The following GSR variants were observed in gnomAD, a reference collection of about 807,000 sequenced individuals.
GSR encodes glutathione reductase, mitochondrial.
In GSR, 48 loss-of-function variants were observed where a neutral mutation model predicts 56.5. The observed-to-expected ratio is 0.85, with a 90% CI of 0.67 to 1.08. The LOEUF (loss-of-function observed/expected upper bound fraction) is 1.08. Ranked by LOEUF, GSR falls within the 50% of genes least tolerant of loss-of-function variation. The pLI, the probability that GSR is intolerant of heterozygous loss-of-function variation, is 0.00. For synonymous variants in GSR, 264 were observed against 270.8 expected, an observed-to-expected ratio of 0.97 and a Z score of 0.25; for missense variants, 694 against 703.3, an observed-to-expected ratio of 0.99 and a Z score of 0.15.
chr8:30,724,580 A>C, intron 1 of GSR, among the ~76,000 whole-genome samples: 1 of 106,578 alleles, frequency 9.4e-6, no homozygotes, highest in Non-Finnish European at 1.7e-5. Context: ...ACAGAGTCTC[A>C]CTCTGTTGCC....
chr8:30,723,667 C>T (rs1006262333), intron 1 of GSR, among the ~76,000 whole-genome samples: 1 of 151,968 alleles, frequency 6.6e-6, no homozygotes, highest in Non-Finnish European at 1.5e-5. Context: ...TGGCCTGCGC[C>T]TGTAGTCCCA....
intron 1 of GSR, among the ~76,000 whole-genome samples, chr8:30,720,307 C>A (rs1336964396): frequency 6.6e-6 from 1 of 152,132 alleles, no homozygotes; most frequent in Admixed American, 6.6e-5. Flanking sequence ...TTCTTTGCTG[C>A]CTAAAATCTA....
chr8:30,711,056 G>T (rs1033223752), intron 2 of GSR, among the ~76,000 whole-genome samples: 14 of 152,200 alleles, frequency 9.2e-5, no homozygotes, highest in African/African-American at 3.4e-4. Flanking sequence ...ATAGTTGAGG[G>T]AAAATGTCCC....
At position 30,708,084 on chromosome 8, in the gene GSR, G is replaced by A; in HGVS notation, c.480C>T (p.Asn160=). The A allele has an allele frequency of 6.2e-7, 1 of 1,612,388 alleles. No individual in the cohort carries two copies. The highest frequency in any genetic ancestry group is 8.5e-7 in the Non-Finnish European group (1 of 1,178,376). Residue 160 remains asparagine (N), a synonymous_variant, in exon 4 of 13, where the codon AAC becomes AAT. Coordinates refer to ENST00000221130, the MANE Select transcript of GSR (RefSeq NM_000637.5). ...YVSRLNAIYQ[N]NLTKSHIEII... is the part of the protein sequence containing the mutation. ...CCAGCATACACACCTTGGTGAGATT[G>A]TTTTGATAGATGGCATTCAGGCGGC...
At chr8:30,717,232 T>C (rs2911673) in intron 1 of GSR, among the ~76,000 whole-genome samples, 106,030 of 148,494 alleles carry the variant, frequency 0.71, 38,941 homozygotes, top group East Asian at 0.83. Flanking sequence ...AGCGAAACTC[T>C]ATCTCAAAAG....
chr8:30,727,798 C>A lies in GSR; in HGVS notation c.38G>T (p.Gly13Val). The A allele has an allele frequency of 1.5e-6, 2 of 1,317,224 alleles. No individual in the cohort carries two copies. The highest frequency in any genetic ancestry group is 4.0e-5 in the South Asian group (2 of 49,652). 81.6% of individuals were successfully genotyped at this position (1,317,224 alleles called of 1,614,324 possible). The change falls in exon 1 of 13, where the codon GGA becomes GTA. Residue 13 changes from glycine to valine, a missense_variant. Gly to Val is a moderately radical substitution (Grantham distance 109). Coordinates refer to ENST00000221130, the MANE Select transcript of GSR (RefSeq NM_000637.5). The stretch of plus-strand genomic sequence containing the variant: ...GCGCGCCGCCCGCCGCCAGCTCGGT[C>A]CCGCGCCGGCGCTCAGGGCTCGGGG... ...LLPRALSAGA[G>V]PSWRRAARAF...
chr8:30,689,568 T>C (rs572817642), intron 8 of GSR, among the ~76,000 whole-genome samples: 1 of 152,024 alleles, frequency 6.6e-6, no homozygotes, highest in Admixed American at 6.6e-5. Flanking sequence ...CATGACACCA[T>C]TGTAATGCCT....
At chr8:30,701,947 C>A (rs1469554830) in intron 5 of GSR, among the ~76,000 whole-genome samples, 1 of 151,850 alleles carries the variant, frequency 6.6e-6, no homozygotes, top group African/African-American at 2.4e-5. Context: ...CTTGAGCCAT[C>A]TCCCATCTAA....
At chr8:30,683,754 CAA>C (rs10679532) in intron 10 of GSR, among the ~76,000 whole-genome samples, 1 of 141,960 alleles carries the variant, frequency 7.0e-6, no homozygotes, top group Non-Finnish European at 1.5e-5. Context: ...AGAGTGTCTC[CAA>C]AAAAAAAAAA....
At chr8:30,710,338 T>A (rs925635927) in intron 2 of GSR, among the ~76,000 whole-genome samples, 10 of 151,418 alleles carry the variant, frequency 6.6e-5, no homozygotes, top group African/African-American at 9.7e-5. Context: ...ATAATAATAA[T>A]AAATAAAATC....
intron 1 of GSR, among the ~76,000 whole-genome samples, chr8:30,714,702 T>C (rs1260505063): frequency 6.6e-6 from 1 of 151,512 alleles, no homozygotes; most frequent in South Asian, 2.1e-4. Flanking sequence ...AAATTAAAAA[T>C]ACTTTATAAA....
In GSR at chr8:30,703,532, A is replaced by G. The variant is rs141936640; in HGVS notation, c.493-292T>C. ...GAGGCAGAGGTGGGTGGATAGCTTG[A>G]GCTCAGGAGTTCGAGACCAGCCTGG... On this transcript the variant is annotated intron_variant, in intron 4 of 12. Transcript: ENST00000221130. Among the ~76,000 whole-genome samples, 112 of 152,178 alleles carry G rather than the reference A, an allele frequency of 7.4e-4. 2 individuals carry two copies. Among genetic ancestry groups the G allele is most frequent in the African/African-American group, 2.6e-3 (110 of 41,530 alleles).
chr8:30,700,745 A>AAAAAAAAAAAAAAAAAAAAAAAC (rs1803708803), intron 5 of GSR, among the ~76,000 whole-genome samples: 1 of 135,526 alleles, frequency 7.4e-6, no homozygotes, highest in African/African-American at 2.9e-5. Context: ...AAAAAAAAAA[A>AAAAAAAAAAAAAAAAAAAAAAAC]AAAAATCGAC....
At position 30,727,841 on chromosome 8, in the gene GSR, CG is replaced by C; in HGVS notation, c.-7del. 8.3e-7 allele frequency: 1 copy of C among 1,204,428 alleles called. No homozygotes were observed. Among genetic ancestry groups the C allele is most frequent in the Non-Finnish European group, 1.0e-6 (1 of 972,544 alleles). The allele number at this position is 1,204,428 out of a possible 1,614,324, so 74.6% of individuals were successfully genotyped here. On this transcript the variant is annotated 5_prime_UTR_variant, in exon 1 of 13. Coordinates refer to ENST00000221130, the MANE Select transcript of GSR (RefSeq NM_000637.5). The stretch of plus-strand genomic sequence containing the variant: ...GCTCGGGGCAGCAGGGCCATGCACG[CG>C]GAAGTGGCGCGCCAAGTGGGGCGGG...
chr8:30,727,739 G>A lies in GSR; in HGVS notation c.97C>T (p.Pro33Ser). The A allele has an allele frequency of 7.1e-7, 1 of 1,403,142 alleles. No individual in the cohort carries two copies. Among genetic ancestry groups the A allele is most frequent in the Non-Finnish European group, 9.2e-7 (1 of 1,081,744 alleles). The allele number at this position is 1,403,142 out of a possible 1,614,324, so 86.9% of individuals were successfully genotyped here. ...GAGAGGGCGCGCGTGAGGGCCGCGG[G>A]CTCGGGCAGAAGCAGCAGGAAGCCT... ...FRGFLLLLPEPAALTRALSRA... is the reference protein window; with the variant it reads ...FRGFLLLLPESAALTRALSRA... The change falls in exon 1 of 13, where the codon CCC (proline) becomes TCC (serine). Residue 33 changes from proline to serine, a missense_variant. Transcript: ENST00000221130.
intron 11 of GSR, among the ~76,000 whole-genome samples, 168 bp downstream of exon 11, chr8:30,681,762 A>C (rs1198933634): frequency 6.6e-6 from 1 of 152,168 alleles, no homozygotes; most frequent in Non-Finnish European, 1.5e-5. Context: ...CTGTACACTC[A>C]AAGTAGTAGC....
intron 1 of GSR, among the ~76,000 whole-genome samples, chr8:30,723,391 T>C (rs1285818350): frequency 6.6e-6 from 1 of 151,374 alleles, no homozygotes; most frequent in Admixed American, 6.6e-5. Flanking sequence ...AGTCGGGAGG[T>C]TGAGGTGGGA....
chr8:30,722,962 A>G (rs1226389286), intron 1 of GSR, among the ~76,000 whole-genome samples: 1 of 152,146 alleles, frequency 6.6e-6, no homozygotes. Context: ...GCTGCTGTGC[A>G]GCATAGTTCA....
At position 30,703,109 on chromosome 8, in the gene GSR, A is replaced by T. The variant is rs760674337; in HGVS notation, c.624T>A (p.His208Gln). 11 of 1,614,114 alleles carry T rather than the reference A, an allele frequency of 6.8e-6. No homozygotes were observed. Among genetic ancestry groups the T allele is most frequent in the Non-Finnish European group, 9.3e-6 (11 of 1,180,002 alleles). ...ATGACTCACCGGGGATCTGGCTCTC[A>T]TGAGGGGTGGAGGGCATACCACCTG... ...IATGGMPSTP[H>Q]ESQIPGASLG... is the part of the protein sequence containing the mutation. The change falls in exon 5 of 13, where the codon CAT becomes CAA. Residue 208 changes from histidine (H) to glutamine (Q), a missense_variant. His to Gln is a conservative substitution (Grantham distance 24). Transcript: ENST00000221130.
Sources: gnomAD v4.1 joint callset for allele counts (sites outside exome capture counted in the v4.1 genomes callset) on GRCh38, gnomAD v4.1.1 for gene constraint, MANE v1.5 for transcripts, NCBI Gene and HGNC (gene_info 2026-07-23, HGNC 2026-07-21) for gene names.